Variants in ST6GALNAC3 observed in about 807,000 individuals in gnomAD.
The protein encoded by ST6GALNAC3 is ST6 N-acetylgalactosaminide alpha-2,6-sialyltransferase 3.
Under a neutral mutation model 32.7 loss-of-function variants are expected in ST6GALNAC3, and 25 were observed. That is an observed-to-expected ratio of 0.76 (90% confidence interval 0.56 to 1.07). The LOEUF (loss-of-function observed/expected upper bound fraction) is 1.07. ST6GALNAC3 is among the 50% of genes least tolerant of loss of function. The probability of loss-of-function intolerance (pLI) is 0.00; values close to 1 mark genes in which losing one functional copy is unlikely to be tolerated. For missense variants in ST6GALNAC3, 355 were observed against 382.4 expected (o/e 0.93, Z 0.60); for synonymous variants, 129 against 133.1 (o/e 0.97, Z 0.21).
intron 1 of ST6GALNAC3, among the ~76,000 whole-genome samples, chr1:76,152,853 C>T (rs897392502): frequency 6.6e-6 from 1 of 152,166 alleles, no homozygotes; most frequent in African/African-American, 2.4e-5. Flanking sequence ...TTCCTTAATT[C>T]TTAGATGCCT....
At chr1:76,146,281 G>A (rs1443664415) in intron 1 of ST6GALNAC3, among the ~76,000 whole-genome samples, 1 of 152,202 alleles carries the variant, frequency 6.6e-6, no homozygotes, top group African/African-American at 2.4e-5. Context: ...CCAGGATGGT[G>A]TCTGTCTAAA....
chr1:76,335,667 T>A (rs182943374), intron 2 of ST6GALNAC3, among the ~76,000 whole-genome samples: 1 of 152,348 alleles, frequency 6.6e-6, no homozygotes, highest in Admixed American at 6.5e-5. Context: ...ATGATGTCGT[T>A]CAAGGACTTG....
intron 3 of ST6GALNAC3, among the ~76,000 whole-genome samples, chr1:76,519,307 G>C (rs188721181): frequency 6.6e-6 from 1 of 151,898 alleles, no homozygotes; most frequent in African/African-American, 2.4e-5. Flanking sequence ...AAAATTCTAG[G>C]TTAAAAATTA....
intron 1 of ST6GALNAC3, among the ~76,000 whole-genome samples, chr1:76,213,911 T>C (rs1655315179): frequency 6.6e-6 from 1 of 152,194 alleles, no homozygotes; most frequent in African/African-American, 2.4e-5. Context: ...GTATGACCAC[T>C]GCATCATTTG....
At chr1:76,495,765 G>A (rs1660813097) in intron 3 of ST6GALNAC3, among the ~76,000 whole-genome samples, 1 of 152,152 alleles carries the variant, frequency 6.6e-6, no homozygotes, top group South Asian at 2.1e-4. Flanking sequence ...CTTGATCTTG[G>A]ACAAATAATT....
chr1:76,562,799 C>T (rs1665322875), intron 3 of ST6GALNAC3, among the ~76,000 whole-genome samples: 1 of 152,136 alleles, frequency 6.6e-6, no homozygotes, highest in Admixed American at 6.6e-5. Flanking sequence ...AATATTTGTA[C>T]AATAAAGGTC....
intron 1 of ST6GALNAC3, among the ~76,000 whole-genome samples, chr1:76,224,317 G>A (rs1124171): frequency 0.6 from 91,460 of 152,052 alleles, 31,566 homozygotes; most frequent in East Asian, 0.87. Flanking sequence ...TGTGGACAAG[G>A]AATGTATTCT....
intron 1 of ST6GALNAC3, among the ~76,000 whole-genome samples, chr1:76,256,137 T>C (rs749209216): frequency 2.0e-5 from 3 of 152,022 alleles, no homozygotes; most frequent in African/African-American, 4.8e-5. Context: ...TTTAAACTAG[T>C]TTAAAAATAT....
chr1:76,215,973 TA>T (rs1429597937), intron 1 of ST6GALNAC3, among the ~76,000 whole-genome samples: 1 of 152,160 alleles, frequency 6.6e-6, no homozygotes, highest in African/African-American at 2.4e-5. Flanking sequence ...TAAAGGGACT[TA>T]AATGTTTATT....
intron 3 of ST6GALNAC3, among the ~76,000 whole-genome samples, chr1:76,602,613 G>A (rs756353934): frequency 1.3e-5 from 2 of 151,998 alleles, no homozygotes; most frequent in Non-Finnish European, 2.9e-5. Flanking sequence ...TAGCAAGTTA[G>A]GGATTGATTT....
intron 2 of ST6GALNAC3, among the ~76,000 whole-genome samples, chr1:76,346,257 A>C (rs1557808676): frequency 3.3e-5 from 5 of 152,182 alleles, no homozygotes. Flanking sequence ...AAGTAAGCTC[A>C]CACCAGGTAA....
intron 3 of ST6GALNAC3, among the ~76,000 whole-genome samples, chr1:76,556,275 T>C (rs315055): frequency 3.3e-5 from 5 of 152,070 alleles, no homozygotes; most frequent in Non-Finnish European, 7.4e-5. Flanking sequence ...ATTAATTAAT[T>C]TATCAGTTCA....
At chr1:76,137,784 C>T (rs1227428182) in intron 1 of ST6GALNAC3, among the ~76,000 whole-genome samples, 1 of 152,168 alleles carries the variant, frequency 6.6e-6, no homozygotes, top group East Asian at 1.9e-4. Flanking sequence ...TTACCCAAAG[C>T]CGAAACACTT....
chr1:76,247,846 G>A (rs1411756221), intron 1 of ST6GALNAC3, among the ~76,000 whole-genome samples: 1 of 151,952 alleles, frequency 6.6e-6, no homozygotes, highest in Non-Finnish European at 1.5e-5. Context: ...TCCTGTCTCG[G>A]TGGGTTTCCA....
At chr1:76,600,031 T>G (rs1301077518) in intron 3 of ST6GALNAC3, among the ~76,000 whole-genome samples, 4 of 152,166 alleles carry the variant, frequency 2.6e-5, no homozygotes, top group Non-Finnish European at 4.4e-5. Context: ...AACATTCTTA[T>G]ATTAAAATCT....
chr1:76,197,925 G>T (rs1344200095), intron 1 of ST6GALNAC3, among the ~76,000 whole-genome samples: 2 of 152,134 alleles, frequency 1.3e-5, no homozygotes, highest in Non-Finnish European at 2.9e-5. Flanking sequence ...CAACTAAAAT[G>T]GTCTCCAGAT....
intron 1 of ST6GALNAC3, among the ~76,000 whole-genome samples, chr1:76,273,445 T>C (rs1658966455): frequency 6.6e-6 from 1 of 151,990 alleles, no homozygotes; most frequent in Admixed American, 6.5e-5. Flanking sequence ...TGGATAAAAA[T>C]CCCATGGCAT....
chr1:76,276,709 A>G (rs1258829223), intron 1 of ST6GALNAC3, among the ~76,000 whole-genome samples: 4 of 152,212 alleles, frequency 2.6e-5, no homozygotes, highest in African/African-American at 9.6e-5. Context: ...GAATGAAACC[A>G]TGAACAGTCT....
intron 1 of ST6GALNAC3, among the ~76,000 whole-genome samples, chr1:76,306,689 G>T (rs1161194761): frequency 2.1e-5 from 3 of 142,112 alleles, no homozygotes; most frequent in South Asian, 2.2e-4. Context: ...TGGGGGGCGG[G>T]GGGTGCAGAC....
Sources: allele counts gnomAD v4.1 joint callset (sites outside exome capture counted in the v4.1 genomes callset), GRCh38; gene constraint gnomAD v4.1.1; transcripts MANE v1.5; gene names NCBI Gene and HGNC (gene_info 2026-07-23, HGNC 2026-07-21).